USP6NL: variants seen among roughly 807,000 people sequenced by gnomAD.
USP6NL encodes USP6 N-terminal-like protein.
USP6NL carries 26 observed loss-of-function variants against 61.9 expected under a neutral mutation model. The observed-to-expected ratio is 0.42, with a 90% CI of 0.31 to 0.58. The LOEUF is 0.58. Ranked by LOEUF, USP6NL falls within the 20% of genes least tolerant of loss-of-function variation. The pLI is 0.16. For missense variants in USP6NL, 1,114 were observed against 1,034.3 expected, an observed-to-expected ratio of 1.08 and a Z score of -1.06; for synonymous variants, 432 against 390.1, an observed-to-expected ratio of 1.11 and a Z score of -1.27.
Position 11,465,779 on chromosome 10 carries a change from C to A in USP6NL, c.1079-1930G>T, listed in dbSNP as rs548689167. 6.6e-6 allele frequency among the ~76,000 whole-genome samples: 1 copy of A among 152,252 alleles called. No homozygotes were observed. Among genetic ancestry groups the A allele is most frequent in the East Asian group, 1.9e-4 (1 of 5,178 alleles). ...AAAACTCAATTCACCTGACATGAGG[C>A]GTTTCTAAGGGCAGCTACCCTTAGC... On this transcript the variant is annotated intron_variant, in intron 14 of 14. Transcript: ENST00000609104. This position sits in a 1 kb window ranked among gnomAD's most constrained non-coding sequence, Gnocchi z 4.5.
At chr10:11,515,455 T>C (rs1374290127) in intron 5 of USP6NL, among the ~76,000 whole-genome samples, 2 of 152,182 alleles carry the variant, frequency 1.3e-5, no homozygotes, top group Non-Finnish European at 2.9e-5. Flanking sequence ...CTCCTGGAGG[T>C]TGTGGGAACC....
chr10:11,599,483 A>G (rs1588423702), intron 1 of USP6NL, among the ~76,000 whole-genome samples: 1 of 152,368 alleles, frequency 6.6e-6, no homozygotes, highest in Non-Finnish European at 1.5e-5. Flanking sequence ...GAGTTTTCTC[A>G]GCACCAAAAA....
chr10:11,508,363 C>T (rs2133337733), intron 6 of USP6NL, among the ~76,000 whole-genome samples: 1 of 152,312 alleles, frequency 6.6e-6, no homozygotes, highest in East Asian at 1.9e-4. Context: ...GAGGCTTAGA[C>T]ATCAGTGGTT....
intron 5 of USP6NL, among the ~76,000 whole-genome samples, chr10:11,512,222 C>T (rs1466274505): frequency 6.6e-6 from 1 of 152,090 alleles, no homozygotes; most frequent in Non-Finnish European, 1.5e-5. Context: ...ACTTTAAAGT[C>T]GACATATCCG....
Position 11,587,416 on chromosome 10 carries a change from T to C in USP6NL, c.4+10215A>G, listed in dbSNP as rs1280154036. ...TAGCTTTCACTATCCCTTGCAATTATTAAACTTTTAACAGTCATACTATAA... is the reference window on the plus strand; with the variant it reads ...TAGCTTTCACTATCCCTTGCAATTACTAAACTTTTAACAGTCATACTATAA... On this transcript the variant is annotated intron_variant, in intron 2 of 14. Coordinates refer to ENST00000609104, the MANE Select transcript of USP6NL (RefSeq NM_014688.5). The surrounding 1 kb of genome is among the most constrained non-coding windows in gnomAD (Gnocchi z 4.5). Among the ~76,000 whole-genome samples, 2 of 150,686 alleles carry C rather than the reference T, an allele frequency of 1.3e-5. No homozygotes were observed. Among genetic ancestry groups the C allele is most frequent in the African/African-American group, 4.8e-5 (2 of 41,336 alleles).
At chr10:11,608,623 A>C (rs1838782171) in intron 1 of USP6NL, among the ~76,000 whole-genome samples, 2 of 152,192 alleles carry the variant, frequency 1.3e-5, no homozygotes, top group Admixed American at 6.5e-5. Context: ...AAACCAAGTT[A>C]GGTTCCCTAG....
At chr10:11,472,939 T>C (rs1389378348) in intron 14 of USP6NL, among the ~76,000 whole-genome samples, 2 of 152,230 alleles carry the variant, frequency 1.3e-5, no homozygotes, top group Non-Finnish European at 2.9e-5. Flanking sequence ...GTTAAGTAAC[T>C]TTAAAAACCT....
At chr10:11,559,824 C>T (rs936534561) in intron 2 of USP6NL, among the ~76,000 whole-genome samples, 49 of 152,156 alleles carry the variant, frequency 3.2e-4, no homozygotes, top group African/African-American at 1.0e-3. Flanking sequence ...GCCCTACAAC[C>T]TGTTAGCTCT....
chr10:11,519,016 T>G (rs1032349655), intron 4 of USP6NL, among the ~76,000 whole-genome samples: 2 of 152,198 alleles, frequency 1.3e-5, no homozygotes, highest in Non-Finnish European at 2.9e-5. Flanking sequence ...GCAAGATAAA[T>G]ATTTAAACGG....
intron 2 of USP6NL, among the ~76,000 whole-genome samples, chr10:11,550,629 A>T (rs571924324): frequency 6.6e-6 from 1 of 152,084 alleles, no homozygotes; most frequent in South Asian, 2.1e-4. Context: ...GGTGGCACAC[A>T]CCTGTAGTCC....
chr10:11,500,756 T>C (rs1224979530), intron 7 of USP6NL, among the ~76,000 whole-genome samples: 1 of 152,196 alleles, frequency 6.6e-6, no homozygotes, highest in Non-Finnish European at 1.5e-5. Context: ...ATCTCTCCAT[T>C]AACACCATGT....
chr10:11,595,822 CAA>C lies in USP6NL; in HGVS notation c.4+1807_4+1808del, dbSNP rs1838309166. ...TTAAAATAAGCATGTAAAAGATCCA[CAA>C]AGAGATAAAATAACAGAACCAATTG... On this transcript the variant is annotated intron_variant, in intron 2 of 14. Transcript: ENST00000609104. This position sits in a 1 kb window ranked among gnomAD's most constrained non-coding sequence, Gnocchi z 5.3. Among the ~76,000 whole-genome samples, 3 of 151,768 alleles carry C rather than the reference CAA, an allele frequency of 2.0e-5. No individual in the cohort carries two copies. The highest frequency in any genetic ancestry group is 4.4e-5 in the Non-Finnish European group (3 of 67,936).
At chr10:11,497,564 A>T (rs911327070) in intron 7 of USP6NL, among the ~76,000 whole-genome samples, 1 of 152,212 alleles carries the variant, frequency 6.6e-6, no homozygotes, top group Admixed American at 6.5e-5. Flanking sequence ...AATGCCTTAA[A>T]ATAAAAGTTA....
intron 2 of USP6NL, among the ~76,000 whole-genome samples, chr10:11,577,845 A>C (rs1405773135): frequency 6.6e-6 from 1 of 152,190 alleles, no homozygotes; most frequent in Admixed American, 6.5e-5. Context: ...CTTGTACCTT[A>C]GTACCTGTAG....
intron 2 of USP6NL, among the ~76,000 whole-genome samples, chr10:11,551,641 T>G (rs1591918526): frequency 6.6e-6 from 1 of 152,248 alleles, no homozygotes. Flanking sequence ...ACATGGCTAC[T>G]GAGTGGTGGT....
chr10:11,527,402 C>T (rs769509783), intron 3 of USP6NL, 98 bp downstream of exon 3: 3 of 1,064,886 alleles, frequency 2.8e-6, no homozygotes, highest in Non-Finnish European at 4.1e-6. Flanking sequence ...GTTAAACAAA[C>T]TGCTTCTGGA....
At chr10:11,605,575 T>C (rs187716089) in intron 1 of USP6NL, among the ~76,000 whole-genome samples, 6 of 152,318 alleles carry the variant, frequency 3.9e-5, no homozygotes, top group Non-Finnish European at 7.4e-5. Flanking sequence ...CTCTGGGACA[T>C]AGTTACTATG....
At chr10:11,584,078 GGTGGCGT>G (rs1837885638) in intron 2 of USP6NL, among the ~76,000 whole-genome samples, 2 of 152,024 alleles carry the variant, frequency 1.3e-5, no homozygotes, top group South Asian at 4.2e-4. Flanking sequence ...AGCTGGGTGT[GGTGGCGT>G]GTGCCTGTAG....
At position 11,468,326 on chromosome 10, in the gene USP6NL, A is replaced by G. The variant is rs1295359889; in HGVS notation, c.1079-4477T>C. ...ATCACAGTTCACTCAGTCGAATGGT[A>G]TGTTCCAGGGTCTCTTAGTCACAGC... is the stretch of plus-strand genomic sequence containing the variant. On this transcript the variant is annotated intron_variant, in intron 14 of 14. Transcript: ENST00000609104. The surrounding 1 kb of genome is among the most constrained non-coding windows in gnomAD (Gnocchi z 4.5). Among the ~76,000 whole-genome samples, 2 of 152,216 alleles carry G rather than the reference A, an allele frequency of 1.3e-5. No homozygotes were observed. Among genetic ancestry groups the G allele is most frequent in the South Asian group, 2.1e-4 (1 of 4,836 alleles).
Sources: allele counts gnomAD v4.1 joint callset (sites outside exome capture counted in the v4.1 genomes callset), GRCh38; gene constraint gnomAD v4.1.1; non-coding constraint Gnocchi (gnomAD v3.1); transcripts MANE v1.5; gene names NCBI Gene and HGNC (gene_info 2026-07-23, HGNC 2026-07-21).